PPP2R2B: variants seen among roughly 807,000 people sequenced by gnomAD.
PPP2R2B encodes serine/threonine-protein phosphatase 2A 55 kDa regulatory subunit B beta isoform.
In PPP2R2B, 5 loss-of-function variants were observed where a neutral mutation model predicts 46.0. The observed-to-expected ratio is 0.11, with a 90% CI of 0.06 to 0.23. The LOEUF is 0.23. Among genes scored for constraint, PPP2R2B ranks in the 10% least tolerant of loss-of-function variants. The probability of loss-of-function intolerance (pLI) is 1.00; values close to 1 mark genes in which losing one functional copy is unlikely to be tolerated. For synonymous variants in PPP2R2B, 215 were observed against 206.7 expected, an observed-to-expected ratio of 1.04 and a Z score of -0.34; for missense variants, 367 against 575.0, an observed-to-expected ratio of 0.64 and a Z score of 3.70.
chr5:146,878,179 T>C lies in PPP2R2B; in HGVS notation c.-108A>G, dbSNP rs1185463566. Reference sequence around the variant, plus strand: ...AGGGGGGCAGGGGAGCCAGTGGGACTGCACCATGGTCCGAGCCTGAGGAGG... The same window carrying C: ...AGGGGGGCAGGGGAGCCAGTGGGACCGCACCATGGTCCGAGCCTGAGGAGG... On this transcript the variant is annotated 5_prime_UTR_variant, in exon 2 of 10. Transcript: ENST00000394411. This position sits in a 1 kb window ranked among gnomAD's most constrained non-coding sequence, Gnocchi z 4.5. The C allele has an allele frequency of 1.3e-6, 2 of 1,596,602 alleles. No homozygotes were observed. The highest frequency in any genetic ancestry group is 2.7e-5 in the African/African-American group (2 of 74,456).
At chr5:147,004,249 T>C (rs527829922) in intron 1 of PPP2R2B, among the ~76,000 whole-genome samples, 115 of 148,532 alleles carry the variant, frequency 7.7e-4, no homozygotes, top group African/African-American at 2.8e-3. Context: ...ATGTCTGCTA[T>C]GCCGAGGCAA....
intron 4 of PPP2R2B, among the ~76,000 whole-genome samples, chr5:146,691,483 A>G (rs1258180130): frequency 6.6e-6 from 1 of 152,238 alleles, no homozygotes; most frequent in African/African-American, 2.4e-5. Context: ...TCTTAAATCT[A>G]TAGCTTATAC....
At chr5:146,907,074 T>C (rs146947198) in intron 1 of PPP2R2B, among the ~76,000 whole-genome samples, 1 of 152,226 alleles carries the variant, frequency 6.6e-6, no homozygotes, top group East Asian at 1.9e-4. Context: ...GGACAGAAGA[T>C]AGCGCAGGAT....
intron 7 of PPP2R2B, among the ~76,000 whole-genome samples, chr5:146,620,356 G>T (rs1425493017): frequency 6.6e-6 from 1 of 152,156 alleles, no homozygotes; most frequent in Non-Finnish European, 1.5e-5. Context: ...CGGGACTGGT[G>T]CCTTTTTGAG....
intron 1 of PPP2R2B, among the ~76,000 whole-genome samples, chr5:147,050,454 T>C (rs1756754774): frequency 6.6e-6 from 1 of 152,046 alleles, no homozygotes; most frequent in Non-Finnish European, 1.5e-5. Flanking sequence ...TTCAAACACA[T>C]GAAAAATAAG....
chr5:146,806,054 T>A (rs1398334514), intron 2 of PPP2R2B, among the ~76,000 whole-genome samples: 3 of 152,160 alleles, frequency 2.0e-5, no homozygotes, highest in African/African-American at 7.2e-5. Flanking sequence ...CAGATAACAT[T>A]TTACTCATCC....
intron 7 of PPP2R2B, among the ~76,000 whole-genome samples, chr5:146,616,371 A>C (rs1387601350): frequency 6.6e-6 from 1 of 152,206 alleles, no homozygotes; most frequent in Non-Finnish European, 1.5e-5. Context: ...CAACCAAAGC[A>C]AAAATGAACA....
At chr5:146,699,854 T>G (rs1779431412) in intron 3 of PPP2R2B, among the ~76,000 whole-genome samples, 1 of 152,090 alleles carries the variant, frequency 6.6e-6, no homozygotes, top group African/African-American at 2.4e-5. Context: ...GTGTGTGTAG[T>G]ATGTGCCAGA....
intron 9 of PPP2R2B, among the ~76,000 whole-genome samples, chr5:146,591,386 G>C (rs1353585894): frequency 6.6e-6 from 1 of 152,178 alleles, no homozygotes; most frequent in Non-Finnish European, 1.5e-5. Context: ...ACTGTGAACT[G>C]TGTCTGTGTA....
At chr5:146,817,585 G>A (rs1758004444) in intron 2 of PPP2R2B, among the ~76,000 whole-genome samples, 1 of 152,126 alleles carries the variant, frequency 6.6e-6, no homozygotes, top group Non-Finnish European at 1.5e-5. Flanking sequence ...AACAGGATTT[G>A]AAAAGGCTCC....
At chr5:146,881,406 T>C (rs1762164392), upstream of PPP2R2B, among the ~76,000 whole-genome samples, 1 of 151,736 alleles carries the variant, frequency 6.6e-6, no homozygotes, top group Non-Finnish European at 1.5e-5. Context: ...TTATTTTCTT[T>C]TTTTATTTTA....
rs527577866 is a variant in PPP2R2B at position 146,582,326 on chromosome 5, T to C, written c.*7621A>G. The C allele has an allele frequency of 1.3e-5, 2 of 152,356 alleles. No individual in the cohort carries two copies. Among genetic ancestry groups the C allele is most frequent in the South Asian group, 2.1e-4 (1 of 4,826 alleles). The allele number at this position is 152,356 out of a possible 1,614,324, so 9.4% of individuals were successfully genotyped here. ...TGTGGGGGCAATATCTTGGATGTGA[T>C]AATGTTGCTTCCTGCATCAGTGAAC... On this transcript the variant is annotated 3_prime_UTR_variant, in exon 10 of 10. Coordinates refer to ENST00000394411, the MANE Select transcript of PPP2R2B (RefSeq NM_181675.4).
At chr5:147,064,020 G>T (rs951930095) in intron 2 of PPP2R2B, among the ~76,000 whole-genome samples, 24 of 152,306 alleles carry the variant, frequency 1.6e-4, no homozygotes, top group African/African-American at 5.8e-4. Flanking sequence ...CTTACAGTAA[G>T]GGGCCAGATT....
intron 2 of PPP2R2B, among the ~76,000 whole-genome samples, chr5:146,764,174 G>A (rs529173042): frequency 1.3e-5 from 2 of 152,212 alleles, no homozygotes; most frequent in East Asian, 1.9e-4. Flanking sequence ...GCCCCATGAC[G>A]GAAAGTGGAA....
At position 146,590,084 on chromosome 5, in the gene PPP2R2B, G is replaced by T. The variant is rs751549602; in HGVS notation, c.1195C>A (p.Arg399=). ...KPRKVCVGGK[R]RKDEISVDSL... ...TCGACACTGATCTCGTCTTTTCTCC[G>T]CTTGCCCCCCACACACACTTTTCGG... The change falls in exon 10 of 10, where the codon CGG becomes AGG. Residue 399 remains arginine, a synonymous_variant. Transcript: ENST00000394411. 1.9e-6 allele frequency: 3 copies of T among 1,613,982 alleles called. No homozygotes were observed. Among genetic ancestry groups the T allele is most frequent in the Non-Finnish European group, 2.5e-6 (3 of 1,180,020 alleles).
intron 2 of PPP2R2B, among the ~76,000 whole-genome samples, chr5:146,750,056 A>G (rs1753459414): frequency 6.6e-6 from 1 of 152,004 alleles, no homozygotes; most frequent in Non-Finnish European, 1.5e-5. Context: ...TCCTCCGTTG[A>G]ATTGCTTTTG....
intron 2 of PPP2R2B, among the ~76,000 whole-genome samples, chr5:146,822,501 G>A (rs1758323275): frequency 6.7e-6 from 1 of 150,028 alleles, no homozygotes; most frequent in Non-Finnish European, 1.5e-5. Flanking sequence ...TTCTCTCCAG[G>A]AAGTCCTCAT....
chr5:146,861,054 CTTTTTTT>C (rs1211197915), intron 2 of PPP2R2B, among the ~76,000 whole-genome samples: 2 of 101,716 alleles, frequency 2.0e-5, no homozygotes, highest in South Asian at 7.3e-4. Flanking sequence ...TGAATTTTTT[CTTTTTTT>C]TTTTTTTTTT....
Position 146,974,925 on chromosome 5 carries a change from G to A in PPP2R2B, c.79+80740C>T, listed in dbSNP as rs551543577. Among the ~76,000 whole-genome samples the A allele has an allele frequency of 1.1e-4, 16 of 152,128 alleles. No homozygotes were observed. In the South Asian group the frequency reaches 1.5e-3, roughly 14 times the overall value. ...AGGATGGTCTTGATCTCCCGACCTC[G>A]TGATCCGCCCACCTCTGCCTCCCAA... is the stretch of plus-strand genomic sequence containing the variant. On this transcript the variant is annotated intron_variant, in intron 1 of 8. Transcript: ENST00000336640.
Sources: allele counts gnomAD v4.1 joint callset (sites outside exome capture counted in the v4.1 genomes callset), GRCh38; gene constraint gnomAD v4.1.1; non-coding constraint Gnocchi (gnomAD v3.1); transcripts MANE v1.5; gene names NCBI Gene and HGNC (gene_info 2026-07-23, HGNC 2026-07-21).